The following GPC5 variants were observed in gnomAD, a reference collection of about 807,000 sequenced individuals.
GPC5 encodes the protein glypican-5.
A neutral mutation model predicts 53.9 loss-of-function variants in GPC5; 47 were observed. The observed-to-expected ratio is 0.87, with a 90% confidence interval of 0.69 to 1.11. The LOEUF is 1.11. Ranked by LOEUF, GPC5 falls within the 50% of genes most tolerant of loss-of-function variation. The pLI is 0.00. For synonymous variants in GPC5, 286 were observed against 263.3 expected, an observed-to-expected ratio of 1.09 and a Z score of -0.84; for missense variants, 748 against 713.1, an observed-to-expected ratio of 1.05 and a Z score of -0.56.
At chr13:92,056,865 TAAG>T (rs1384879599) in intron 6 of GPC5, among the ~76,000 whole-genome samples, 2 of 152,178 alleles carry the variant, frequency 1.3e-5, no homozygotes, top group African/African-American at 4.8e-5. Flanking sequence ...CCAACCCAGA[TAAG>T]GAGGAAAATA....
At chr13:91,414,756 G>A (rs1330065608) in intron 1 of GPC5, among the ~76,000 whole-genome samples, 1 of 152,182 alleles carries the variant, frequency 6.6e-6, no homozygotes, top group Non-Finnish European at 1.5e-5. Flanking sequence ...GGGAGAAACT[G>A]ACCATACTCT....
At position 92,634,660 on chromosome 13, in the gene GPC5, T is replaced by C. The variant is rs55673216; in HGVS notation, c.1562-231622T>C. Among the ~76,000 whole-genome samples the C allele has an allele frequency of 8.6e-3, 1,303 of 152,230 alleles. 20 individuals carry two copies. The highest frequency in any genetic ancestry group is 0.03 in the African/African-American group (1,250 of 41,586). On this transcript the variant is annotated intron_variant, in intron 7 of 7. Coordinates refer to ENST00000377067, the MANE Select transcript of GPC5 (RefSeq NM_004466.6). ...CCTCATTTATTCTTTTTCTATTTTCTAGAAACACTGATTTTGTGTACCTGG... is the reference window on the plus strand; with the variant it reads ...CCTCATTTATTCTTTTTCTATTTTCCAGAAACACTGATTTTGTGTACCTGG...
chr13:92,363,988 T>C (rs1316201578), intron 7 of GPC5, among the ~76,000 whole-genome samples: 1 of 151,726 alleles, frequency 6.6e-6, no homozygotes, highest in Non-Finnish European at 1.5e-5. Context: ...AACATGCTCA[T>C]GACTAGGAGA....
intron 7 of GPC5, among the ~76,000 whole-genome samples, chr13:92,178,842 G>T (rs1484141407): frequency 6.6e-6 from 1 of 152,008 alleles, no homozygotes; most frequent in African/African-American, 2.4e-5. Context: ...CAGGTGTGGT[G>T]GCCCTGTAGT....
chr13:92,172,199 G>A (rs2042075384), intron 7 of GPC5, among the ~76,000 whole-genome samples: 1 of 152,158 alleles, frequency 6.6e-6, no homozygotes, highest in Non-Finnish European at 1.5e-5. Flanking sequence ...GAGAGTACTT[G>A]TGTGTTTATA....
At chr13:92,273,549 A>G (rs908346372) in intron 7 of GPC5, among the ~76,000 whole-genome samples, 1 of 152,146 alleles carries the variant, frequency 6.6e-6, no homozygotes, top group African/African-American at 2.4e-5. Context: ...AAAAAAAACT[A>G]GGTATAAAAA....
chr13:91,465,893 A>G (rs1391456669), intron 2 of GPC5, among the ~76,000 whole-genome samples: 1 of 152,208 alleles, frequency 6.6e-6, no homozygotes, highest in African/African-American at 2.4e-5. Flanking sequence ...TTAAATAAAA[A>G]TAACAGCTTC....
chr13:91,462,658 G>T (rs10492620), intron 2 of GPC5, among the ~76,000 whole-genome samples: 13,665 of 113,970 alleles, frequency 0.12, 662 homozygotes, highest in East Asian at 0.36. Context: ...GGCCCTTAAA[G>T]TCTCTGGAAA....
chr13:92,215,217 T>G (rs1017393693), intron 7 of GPC5, among the ~76,000 whole-genome samples: 3 of 152,224 alleles, frequency 2.0e-5, no homozygotes, highest in Admixed American at 6.5e-5. Flanking sequence ...AAACTTCTTA[T>G]GAAGGAGCTT....
chr13:92,226,337 C>T (rs888820364), intron 7 of GPC5, among the ~76,000 whole-genome samples: 6 of 152,140 alleles, frequency 3.9e-5, no homozygotes, highest in Non-Finnish European at 8.8e-5. Flanking sequence ...TATAAGAGAA[C>T]AACAATCGTG....
At chr13:92,754,452 A>G (rs1181835106) in intron 7 of GPC5, among the ~76,000 whole-genome samples, 2 of 152,178 alleles carry the variant, frequency 1.3e-5, no homozygotes, top group Non-Finnish European at 2.9e-5. Context: ...TAACATCATA[A>G]TGACAGGATC....
At chr13:92,406,663 T>C (rs1212387697) in intron 7 of GPC5, among the ~76,000 whole-genome samples, 1 of 152,168 alleles carries the variant, frequency 6.6e-6, no homozygotes, top group South Asian at 2.1e-4. Flanking sequence ...TACTCAAAAA[T>C]GTATAGGCAA....
chr13:92,293,850 A>G (rs1327454807), intron 7 of GPC5, among the ~76,000 whole-genome samples: 4 of 152,066 alleles, frequency 2.6e-5, no homozygotes, highest in Admixed American at 6.6e-5. Context: ...CTTTTATTAT[A>G]TTGAGCTATG....
chr13:91,665,474 C>CTGTGGA (rs2035086866), intron 2 of GPC5, among the ~76,000 whole-genome samples: 1 of 150,866 alleles, frequency 6.6e-6, no homozygotes, highest in African/African-American at 2.5e-5. Context: ...GACAAATAAG[C>CTGTGGA]TGTGGATGTG....
Position 91,469,822 on chromosome 13 carries a change from G to A in GPC5, c.325+20900G>A, listed in dbSNP as rs145255632. On this transcript the variant is annotated intron_variant, in intron 2 of 7. Coordinates refer to ENST00000377067, the MANE Select transcript of GPC5 (RefSeq NM_004466.6). Reference sequence around the variant, plus strand: ...TGGGAGGCCGAGGTGGGTGGATCACGTGATGTCAGGTGTTTGAGACCAGCC... The same window carrying A: ...TGGGAGGCCGAGGTGGGTGGATCACATGATGTCAGGTGTTTGAGACCAGCC... 9.7e-3 allele frequency among the ~76,000 whole-genome samples: 1,481 copies of A among 152,084 alleles called. 102 individuals carry two copies. The highest frequency in any genetic ancestry group is 0.092 in the Admixed American group (1,400 of 15,266).
chr13:92,285,376 A>G (rs992697813), intron 7 of GPC5, among the ~76,000 whole-genome samples: 11 of 152,224 alleles, frequency 7.2e-5, no homozygotes, highest in African/African-American at 2.4e-4. Flanking sequence ...TCTTCACAGA[A>G]TTGGAAAAAA....
At position 92,242,594 on chromosome 13, in the gene GPC5, TA is replaced by T. The variant is rs1392040489; in HGVS notation, c.1561+97611del. ...TATGTAACCACAAAATTAAAAAAAT[TA>T]AAAAATATATAAAATAAAGAAAGAG... is the stretch of plus-strand genomic sequence containing the variant. On this transcript the variant is annotated intron_variant, in intron 7 of 7. Transcript: ENST00000377067. Among the ~76,000 whole-genome samples, 5 of 152,010 alleles carry T rather than the reference TA, an allele frequency of 3.3e-5. No individual in the cohort carries two copies. In the South Asian group the frequency reaches 1.0e-3, roughly 31 times the overall value.
chr13:92,617,109 C>T (rs2139108211), intron 7 of GPC5, among the ~76,000 whole-genome samples: 2 of 151,924 alleles, frequency 1.3e-5, no homozygotes, highest in South Asian at 4.2e-4. Flanking sequence ...AAAATGATAC[C>T]CAATGCATGG....
rs183346586 is a variant in GPC5, at chr13:91,985,580, T to C, written c.1401+77523T>C. Among the ~76,000 whole-genome samples the C allele has an allele frequency of 1.5e-3, 224 of 152,264 alleles. 1 individual carries two copies. In the Middle Eastern group the frequency reaches 0.051, roughly 35 times the overall value. On this transcript the variant is annotated intron_variant, in intron 6 of 7. Coordinates refer to ENST00000377067, the MANE Select transcript of GPC5 (RefSeq NM_004466.6). Reference sequence around the variant, plus strand: ...TATAATTGATTTTGTTCTTTAAAATTGACTTTTCAGTTACACATGTTTATT... The same window carrying C: ...TATAATTGATTTTGTTCTTTAAAATCGACTTTTCAGTTACACATGTTTATT...
Sources: allele counts gnomAD v4.1 joint callset (sites outside exome capture counted in the v4.1 genomes callset), GRCh38; gene constraint gnomAD v4.1.1; transcripts MANE v1.5; gene names NCBI Gene and HGNC (gene_info 2026-07-23, HGNC 2026-07-21).